The following SUPT3H variants were observed in gnomAD, a reference collection of about 807,000 sequenced individuals.
SUPT3H encodes the protein SPT3 homolog, SAGA and STAGA complex component.
SUPT3H carries 44 observed loss-of-function variants against 44.3 expected under a neutral mutation model. The ratio of observed to expected loss-of-function variants is 0.99; its 90% CI spans 0.78 to 1.28. The LOEUF (loss-of-function observed/expected upper bound fraction) is 1.28, where lower values mean the gene tolerates loss of function less well. Ranked by LOEUF, SUPT3H falls within the 50% of genes most tolerant of loss-of-function variation. The pLI, the probability that SUPT3H is intolerant of heterozygous loss-of-function variation, is 0.00. For missense variants in SUPT3H, 380 were observed against 387.1 expected (o/e 0.98, Z 0.15); for synonymous variants, 124 against 125.6 (o/e 0.99, Z 0.09).
chr6:45,312,396 TCC>T (rs1784084144), intron 2 of SUPT3H, among the ~76,000 whole-genome samples: 2 of 151,056 alleles, frequency 1.3e-5, no homozygotes, highest in African/African-American at 2.4e-5. Context: ...GTGCCTGTAG[TCC>T]CAGCTACTCA....
intron 2 of SUPT3H, among the ~76,000 whole-genome samples, chr6:45,276,896 A>G (rs1038669194): frequency 6.6e-6 from 1 of 152,200 alleles, no homozygotes; most frequent in African/African-American, 2.4e-5. Context: ...TAACTGATAC[A>G]AGATACTTAA....
chr6:44,849,365 T>C (rs1772471198), intron 10 of SUPT3H, among the ~76,000 whole-genome samples: 1 of 149,826 alleles, frequency 6.7e-6, no homozygotes, highest in Non-Finnish European at 1.5e-5. Context: ...TAGCTGGGAC[T>C]ACAGGCGCCC....
chr6:45,330,537 A>G (rs1354858029), intron 2 of SUPT3H, among the ~76,000 whole-genome samples: 1 of 152,006 alleles, frequency 6.6e-6, no homozygotes, highest in Non-Finnish European at 1.5e-5. Flanking sequence ...CACAAGTTTC[A>G]AAAAATTCTT....
At chr6:45,181,790 G>A (rs1011286415) in intron 2 of SUPT3H, among the ~76,000 whole-genome samples, 2 of 151,438 alleles carry the variant, frequency 1.3e-5, no homozygotes, top group African/African-American at 4.9e-5. Context: ...TGGGTGCAGC[G>A]CACCAGCATG....
intron 3 of SUPT3H, among the ~76,000 whole-genome samples, chr6:45,028,733 A>G (rs1786418922): frequency 1.3e-5 from 2 of 152,052 alleles, no homozygotes; most frequent in Non-Finnish European, 2.9e-5. Context: ...TAAGTAATAC[A>G]TGTTTAACAT....
intron 2 of SUPT3H, among the ~76,000 whole-genome samples, chr6:45,234,514 G>C (rs773000873): frequency 1.5e-5 from 2 of 129,116 alleles, no homozygotes; most frequent in Admixed American, 9.6e-5. Context: ...CTGGGAGACA[G>C]AACGAGACGC....
chr6:44,815,459 T>TA (rs1299178321), intron 11 of SUPT3H, among the ~76,000 whole-genome samples: 3 of 152,174 alleles, frequency 2.0e-5, no homozygotes, highest in Non-Finnish European at 4.4e-5. Flanking sequence ...GTGAAAAAGA[T>TA]ACTTTAAATA....
chr6:45,229,334 A>C (rs1245920393), intron 2 of SUPT3H, among the ~76,000 whole-genome samples: 1 of 152,156 alleles, frequency 6.6e-6, no homozygotes, highest in African/African-American at 2.4e-5. Flanking sequence ...TAGGAGAACT[A>C]CAAATCAACT....
At chr6:45,227,688 C>T (rs1039436434) in intron 2 of SUPT3H, among the ~76,000 whole-genome samples, 2 of 152,150 alleles carry the variant, frequency 1.3e-5, no homozygotes, top group African/African-American at 2.4e-5. Context: ...GGACACCCAA[C>T]CCACCAGGCA....
intron 1 of SUPT3H, among the ~76,000 whole-genome samples, chr6:45,375,503 T>A (rs1267116258): frequency 6.6e-6 from 1 of 152,244 alleles, no homozygotes; most frequent in Non-Finnish European, 1.5e-5. Context: ...TTTAAGTTAT[T>A]GCTCCAGATC....
chr6:44,968,458 T>A (rs1444664382), intron 6 of SUPT3H, among the ~76,000 whole-genome samples: 1 of 152,198 alleles, frequency 6.6e-6, no homozygotes, highest in Non-Finnish European at 1.5e-5. Context: ...AAGGATTTAC[T>A]GGGATGGTTG....
At chr6:44,834,901 CA>C (rs1247165776) in intron 10 of SUPT3H, among the ~76,000 whole-genome samples, 1 of 152,092 alleles carries the variant, frequency 6.6e-6, no homozygotes, top group Non-Finnish European at 1.5e-5. Flanking sequence ...GGAAGGAACA[CA>C]ACTTAATTAT....
chr6:44,872,451 G>A (rs1338901675), intron 10 of SUPT3H, among the ~76,000 whole-genome samples: 1 of 146,876 alleles, frequency 6.8e-6, no homozygotes, highest in Non-Finnish European at 1.5e-5. Flanking sequence ...CAAATGCTGA[G>A]AGATTTTGTC....
chr6:45,351,020 A>T (rs866700772), intron 2 of SUPT3H, among the ~76,000 whole-genome samples: 13 of 152,116 alleles, frequency 8.5e-5, no homozygotes, highest in Admixed American at 6.5e-4. Flanking sequence ...TGCGCTCCTT[A>T]TGAGAATCTA....
intron 4 of SUPT3H, among the ~76,000 whole-genome samples, chr6:45,017,015 G>C (rs71566511): frequency 0.11 from 17,050 of 149,658 alleles, 1,324 homozygotes; most frequent in East Asian, 0.27. Flanking sequence ...GTTGTTTCCT[G>C]ACTTTTTAAT....
Position 44,829,649 on chromosome 6 carries a change from G to A in SUPT3H, c.*167C>T. ...GCCCATCTAGTAAACAAGACCGATG[G>A]TTGAGGGGCTGGAAAAGAGGAGGAG... On this transcript the variant is annotated 3_prime_UTR_variant, in exon 11 of 11. Coordinates refer to ENST00000371459, the MANE Select transcript of SUPT3H (RefSeq NM_003599.4). 1.4e-6 allele frequency: 1 copy of A among 699,380 alleles called. No individual in the cohort carries two copies. Among genetic ancestry groups the A allele is most frequent in the Middle Eastern group, 3.9e-4 (1 of 2,572 alleles). The allele number at this position is 699,380 out of a possible 1,614,324, so 43.3% of individuals were successfully genotyped here. A position where few individuals can be genotyped will look rare whatever the true frequency, so the allele number is the denominator to read the frequency against.
intron 2 of SUPT3H, among the ~76,000 whole-genome samples, chr6:45,126,374 C>A (rs1232398851): frequency 6.6e-6 from 1 of 152,154 alleles, no homozygotes; most frequent in African/African-American, 2.4e-5. Context: ...TAGATGGTTT[C>A]TTTGGACTCC....
chr6:45,158,299 T>TATA (rs1491302388), intron 2 of SUPT3H, among the ~76,000 whole-genome samples: 211 of 13,390 alleles, frequency 0.016, 1 homozygote, highest in African/African-American at 0.025. Context: ...TATATATATA[T>TATA]TTTTTTTTTT....
chr6:45,246,966 T>A (rs148010331), intron 2 of SUPT3H, among the ~76,000 whole-genome samples: 1 of 152,026 alleles, frequency 6.6e-6, no homozygotes, highest in African/African-American at 2.4e-5. Context: ...AGGAAAGATA[T>A]AATTGAGACA....
Sources: allele counts gnomAD v4.1 joint callset (sites outside exome capture counted in the v4.1 genomes callset), GRCh38; gene constraint gnomAD v4.1.1; transcripts MANE v1.5; gene names NCBI Gene and HGNC (gene_info 2026-07-23, HGNC 2026-07-21).